Variants in CFAP36 observed in about 807,000 individuals in gnomAD.
The protein encoded by CFAP36 is cilia- and flagella-associated protein 36.
A neutral mutation model predicts 50.5 loss-of-function variants in CFAP36; 37 were observed. The observed-to-expected ratio is 0.73, with a 90% CI of 0.56 to 0.96. The LOEUF (loss-of-function observed/expected upper bound fraction) is 0.96, where lower values mean the gene tolerates loss of function less well. Among genes scored for constraint, CFAP36 ranks in the 50% least tolerant of loss-of-function variants. CFAP36 has a pLI of 0.00. For synonymous variants in CFAP36, 138 were observed against 128.2 expected (o/e 1.08, Z -0.52); for missense variants, 407 against 396.2 (o/e 1.03, Z -0.23).
chr2:55,520,003 C>A, intron 1 of CFAP36, 87 bp downstream of exon 1: 1 of 1,210,814 alleles, frequency 8.3e-7, no homozygotes, highest in South Asian at 1.3e-5. Flanking sequence ...AGCCATCTCT[C>A]GTCTCCCCGA....
intron 4 of CFAP36, 38 bp downstream of exon 4, chr2:55,529,030 A>G (rs778792188): frequency 1.5e-6 from 2 of 1,376,688 alleles, no homozygotes; most frequent in East Asian, 2.4e-5. Flanking sequence ...TACTAAATGC[A>G]TTTTTTTTTA....
At chr2:55,520,303 AGAG>A (rs1684027086) in intron 1 of CFAP36, 1 of 1,036,948 alleles carries the variant, frequency 9.6e-7, no homozygotes, top group Non-Finnish European at 1.4e-6. Context: ...GCCAGACTTG[AGAG>A]GAGAAGCGTC....
At chr2:55,540,366 C>T (rs1018943791) in intron 7 of CFAP36, among the ~76,000 whole-genome samples, 2 of 152,078 alleles carry the variant, frequency 1.3e-5, no homozygotes, top group African/African-American at 4.8e-5. Context: ...TTTTCCTTTC[C>T]TCACCGTATT....
intron 2 of CFAP36, among the ~76,000 whole-genome samples, chr2:55,523,336 G>C (rs545897701): frequency 6.6e-6 from 1 of 151,746 alleles, no homozygotes; most frequent in East Asian, 1.9e-4. Flanking sequence ...AATTGCTTGA[G>C]CCTGGGAGGC....
intron 1 of CFAP36, 44 bp downstream of exon 1, chr2:55,519,960 A>G: frequency 6.4e-7 from 1 of 1,574,028 alleles, no homozygotes; most frequent in Non-Finnish European, 8.7e-7. Flanking sequence ...CTCCTCTCTC[A>G]CACCAGCGGC....
rs774160357 is a variant in CFAP36 at position 55,519,916 on chromosome 2, G to A, written c.115G>A (p.Val39Ile). The A allele has an allele frequency of 6.2e-7, 1 of 1,613,952 alleles. No homozygotes were observed. Among genetic ancestry groups the A allele is most frequent in the Non-Finnish European group, 8.5e-7 (1 of 1,179,820 alleles). Residue 39 changes from valine to isoleucine, a missense_variant and splice_region_variant, in exon 1 of 10, where the codon GTT (valine) becomes ATT (isoleucine). Transcript: ENST00000349456. Reference sequence around the variant, plus strand: ...GGACTTTGTGGAACAGAAATGTGAAGGTAAAAACCAGAGCCCGAACCGACA... The same window carrying A: ...GGACTTTGTGGAACAGAAATGTGAAAGTAAAAACCAGAGCCCGAACCGACA... Reference protein sequence around the residue: ...ILDFVEQKCEVFDDEEESKLT... With the variant: ...ILDFVEQKCEIFDDEEESKLT...
chr2:55,540,042 A>G (rs1684592852), intron 7 of CFAP36, among the ~76,000 whole-genome samples: 1 of 152,144 alleles, frequency 6.6e-6, no homozygotes, highest in African/African-American at 2.4e-5. Context: ...ACAGTCCTTT[A>G]TCAGATGTGT....
intron 7 of CFAP36, chr2:55,538,905 AT>A (rs763835602): frequency 1.0e-5 from 15 of 1,455,026 alleles, no homozygotes; most frequent in Non-Finnish European, 1.1e-5. Context: ...GATTAGTGTG[AT>A]GTTTACCCAT....
intron 1 of CFAP36, 43 bp downstream of exon 1, chr2:55,519,959 C>A (rs1684012191): frequency 6.3e-7 from 1 of 1,579,210 alleles, no homozygotes; most frequent in South Asian, 1.1e-5. Flanking sequence ...TCTCCTCTCT[C>A]ACACCAGCGG....
chr2:55,537,639 T>C, intron 7 of CFAP36, 54 bp downstream of exon 7: 1 of 1,141,048 alleles, frequency 8.8e-7, no homozygotes, highest in Admixed American at 2.1e-5. Context: ...ATAAACACCA[T>C]ATAGAATGTG....
Position 55,545,043 on chromosome 2 carries a change from A to T in CFAP36, c.*35A>T. 7.9e-7 allele frequency: 1 copy of T among 1,260,694 alleles called. No homozygotes were observed. 78.1% of individuals were successfully genotyped at this position (1,260,694 alleles called of 1,614,324 possible). On this transcript the variant is annotated 3_prime_UTR_variant, in exon 10 of 10. Transcript: ENST00000349456. ...ACAATTTAACAAAATGGAAGTTCAA[A>T]TTGTCTTAAAAATAAATTATTTAGT...
rs765936856 is a variant in CFAP36 at position 55,544,027 on chromosome 2, C to T, written c.730C>T (p.Leu244=). 6.2e-7 allele frequency: 1 copy of T among 1,613,916 alleles called. No homozygotes were observed. The highest frequency in any genetic ancestry group is 8.5e-7 in the Non-Finnish European group (1 of 1,179,918). The change falls in exon 8 of 10, where the codon CTG becomes TTG. Residue 244 remains leucine (L), a synonymous_variant. Coordinates refer to ENST00000349456, the MANE Select transcript of CFAP36 (RefSeq NM_080667.7). The part of the protein sequence containing the change: ...SETSSLPQKD[L]KIPGLEHASI... ...AACTTCCTCCCTCCCACAAAAAGAC[C>T]TGAAGATTCCTGGCTTAGAGCATGC...
chr2:55,522,932 A>G (rs1265673730), intron 2 of CFAP36, among the ~76,000 whole-genome samples: 1 of 151,372 alleles, frequency 6.6e-6, no homozygotes, highest in South Asian at 2.1e-4. Context: ...CCATCTTTAT[A>G]AAAATTACAA....
intron 3 of CFAP36, among the ~76,000 whole-genome samples, chr2:55,527,899 G>A (rs1283182085): frequency 1.3e-5 from 2 of 151,934 alleles, no homozygotes. Flanking sequence ...GCCAGGCATG[G>A]TGGCTCATGC....
chr2:55,525,897 G>C (rs1208861080), intron 3 of CFAP36, among the ~76,000 whole-genome samples: 2 of 152,164 alleles, frequency 1.3e-5, no homozygotes, highest in East Asian at 3.8e-4. Flanking sequence ...AAAGTGCTGG[G>C]ATTACAGGCG....
intron 1 of CFAP36, chr2:55,520,550 G>A (rs1213548460): frequency 8.2e-7 from 1 of 1,214,962 alleles, no homozygotes; most frequent in Non-Finnish European, 1.1e-6. Context: ...AACAAATGAG[G>A]CGTATAGATA....
At chr2:55,542,829 T>C (rs916790933) in intron 7 of CFAP36, among the ~76,000 whole-genome samples, 6 of 152,196 alleles carry the variant, frequency 3.9e-5, no homozygotes, top group Admixed American at 6.5e-5. Context: ...GTTTTACCTC[T>C]ATCTTTATTT....
At chr2:55,541,232 G>C (rs1051975622) in intron 7 of CFAP36, among the ~76,000 whole-genome samples, 2 of 152,132 alleles carry the variant, frequency 1.3e-5, no homozygotes, top group African/African-American at 4.8e-5. Flanking sequence ...GCTGAGGCAG[G>C]AGAATCGCTT....
chr2:55,545,002 T>C lies in CFAP36; in HGVS notation c.1023T>C (p.Asn341=). 6.5e-7 allele frequency: 1 copy of C among 1,539,808 alleles called. No individual in the cohort carries two copies. The highest frequency in any genetic ancestry group is 8.9e-7 in the Non-Finnish European group (1 of 1,125,562). ...AGAAACTCAAAGAAGAAGTTATTAA[T>C]AAGTAATAATTAAGAACAATTTAAC... The part of the protein sequence containing the change: ...LAEKLKEEVI[N]K Residue 341 remains asparagine (N), a synonymous_variant, in exon 10 of 10, where the codon AAT becomes AAC. Transcript: ENST00000349456.
Sources: allele counts gnomAD v4.1 joint callset (sites outside exome capture counted in the v4.1 genomes callset), GRCh38; gene constraint gnomAD v4.1.1; transcripts MANE v1.5; gene names NCBI Gene and HGNC (gene_info 2026-07-23, HGNC 2026-07-21).